The following RAPGEF4 variants were observed in gnomAD, a reference collection of about 807,000 sequenced individuals.
RAPGEF4 encodes the protein Rap guanine nucleotide exchange factor 4.
A neutral mutation model predicts 147.9 loss-of-function variants in RAPGEF4; 66 were observed. The observed-to-expected ratio is 0.45, with a 90% CI of 0.37 to 0.55. The LOEUF (loss-of-function observed/expected upper bound fraction) is 0.55. RAPGEF4 is among the 20% of genes least tolerant of loss of function. RAPGEF4 has a pLI of 0.00. For synonymous variants in RAPGEF4, 419 were observed against 442.7 expected, an observed-to-expected ratio of 0.95 and a Z score of 0.67; for missense variants, 1,071 against 1,257.3, an observed-to-expected ratio of 0.85 and a Z score of 2.24.
At chr2:172,865,885 T>A (rs1158533236) in intron 4 of RAPGEF4, among the ~76,000 whole-genome samples, 2 of 152,188 alleles carry the variant, frequency 1.3e-5, no homozygotes, top group African/African-American at 2.4e-5. Flanking sequence ...CATATACACA[T>A]ACATATATAT....
At chr2:173,012,695 T>C (rs1481722593) in intron 17 of RAPGEF4, among the ~76,000 whole-genome samples, 1 of 152,212 alleles carries the variant, frequency 6.6e-6, no homozygotes, top group Non-Finnish European at 1.5e-5. Flanking sequence ...AAGTCTACAG[T>C]GGCTAAGTGA....
intron 1 of RAPGEF4, among the ~76,000 whole-genome samples, chr2:172,792,528 C>T (rs549474826): frequency 3.3e-5 from 5 of 152,170 alleles, no homozygotes; most frequent in Admixed American, 1.3e-4. Context: ...AATCCAAACC[C>T]TTCTAGTAGG....
intron 1 of RAPGEF4, among the ~76,000 whole-genome samples, chr2:172,769,987 A>T (rs1574773006): frequency 6.6e-6 from 1 of 152,216 alleles, no homozygotes; most frequent in Non-Finnish European, 1.5e-5. Flanking sequence ...AAAGGTGATC[A>T]TGATGAACCA....
chr2:173,029,058 C>G (rs1696932291), intron 25 of RAPGEF4, among the ~76,000 whole-genome samples: 1 of 152,172 alleles, frequency 6.6e-6, no homozygotes, highest in Non-Finnish European at 1.5e-5. Context: ...GTATACCTGC[C>G]TTTAGCCCCA....
chr2:172,965,502 T>A, intron 8 of RAPGEF4, 60 bp from the exon 9 acceptor site: 1 of 1,562,558 alleles, frequency 6.4e-7, no homozygotes, highest in African/African-American at 1.4e-5. Context: ...AAAAGCCATC[T>A]CCCATCCTCT....
At chr2:172,964,981 T>G (rs983233287) in intron 8 of RAPGEF4, among the ~76,000 whole-genome samples, 2 of 152,232 alleles carry the variant, frequency 1.3e-5, no homozygotes, top group African/African-American at 4.8e-5. Flanking sequence ...GAAGTGCTAA[T>G]GCTCATTACA....
chr2:172,998,347 T>C (rs1030163228), intron 16 of RAPGEF4, among the ~76,000 whole-genome samples: 5 of 152,254 alleles, frequency 3.3e-5, no homozygotes, highest in Non-Finnish European at 7.3e-5. Flanking sequence ...GGATTTTTAC[T>C]GGACTATTGT....
chr2:172,763,774 T>A (rs1031824643), intron 1 of RAPGEF4, among the ~76,000 whole-genome samples: 7 of 152,222 alleles, frequency 4.6e-5, no homozygotes, highest in African/African-American at 1.7e-4. Flanking sequence ...ATGTTGACTT[T>A]TCCAGTTTAA....
chr2:172,882,710 G>A (rs1696760288), intron 4 of RAPGEF4, among the ~76,000 whole-genome samples: 1 of 152,146 alleles, frequency 6.6e-6, no homozygotes, highest in African/African-American at 2.4e-5. Flanking sequence ...TGAGGATAGT[G>A]TCTGTTCTAG....
intron 4 of RAPGEF4, among the ~76,000 whole-genome samples, chr2:172,830,811 A>G (rs924408875): frequency 6.6e-6 from 1 of 152,174 alleles, no homozygotes; most frequent in Non-Finnish European, 1.5e-5. Flanking sequence ...AAATTATTTA[A>G]TTTATTGAAA....
rs548058564 is a variant in RAPGEF4 at position 172,846,406 on chromosome 2, A to C, written c.444+31981A>C. Among the ~76,000 whole-genome samples, 7 of 152,318 alleles carry C rather than the reference A, an allele frequency of 4.6e-5. No individual in the cohort carries two copies. In the East Asian group the frequency reaches 1.2e-3, roughly 25 times the overall value. ...TTTGGGGATTCATCCATGATGGAGC[A>C]TGTGTCAGGAGTTCTTTTTAAAAAT... On this transcript the variant is annotated intron_variant, in intron 4 of 30. Transcript: ENST00000397081.
chr2:172,988,174 C>T, intron 12 of RAPGEF4, 22 bp from the exon 13 acceptor site: 1 of 1,587,200 alleles, frequency 6.3e-7, no homozygotes, highest in Non-Finnish European at 8.5e-7. Context: ...TATCATAAGT[C>T]TTTTCATCTT....
chr2:172,895,649 C>T (rs957866850), intron 4 of RAPGEF4, among the ~76,000 whole-genome samples: 14 of 152,094 alleles, frequency 9.2e-5, no homozygotes, highest in Non-Finnish European at 4.4e-5. Flanking sequence ...CTGCCAATCT[C>T]GAATTTTGTG....
At chr2:172,794,120 A>G (rs1313877043) in intron 1 of RAPGEF4, among the ~76,000 whole-genome samples, 1 of 151,482 alleles carries the variant, frequency 6.6e-6, no homozygotes, top group Non-Finnish European at 1.5e-5. Flanking sequence ...AAGTGAGCCT[A>G]TAATCCCAGC....
chr2:172,911,916 G>A (rs143518866), intron 4 of RAPGEF4, among the ~76,000 whole-genome samples: 135 of 151,866 alleles, frequency 8.9e-4, no homozygotes, highest in African/African-American at 3.1e-3. Context: ...ACAGGTACAC[G>A]CCACCAGGCC....
chr2:172,984,954 T>C (rs1692088513), intron 11 of RAPGEF4, among the ~76,000 whole-genome samples: 1 of 152,218 alleles, frequency 6.6e-6, no homozygotes, highest in Non-Finnish European at 1.5e-5. Context: ...AGGAATAATT[T>C]GGAATTTTAA....
intron 4 of RAPGEF4, among the ~76,000 whole-genome samples, chr2:172,893,588 T>C (rs1184374350): frequency 6.6e-6 from 1 of 152,022 alleles, no homozygotes; most frequent in East Asian, 1.9e-4. Context: ...TCATGTTTTA[T>C]GAATTCAATT....
rs73017602 is a variant in RAPGEF4, at chr2:173,033,435, C to G, written c.2650-479C>G. ...CTTTTTTAGGCACTGAGAAAAATAT[C>G]AGTAAACAAAACAAATAAAAATTCT... On this transcript the variant is annotated intron_variant, in intron 26 of 30. Transcript: ENST00000397081. Among the ~76,000 whole-genome samples, 1,222 of 152,230 alleles carry G rather than the reference C, an allele frequency of 8.0e-3. 12 individuals are homozygous for G. The highest frequency in any genetic ancestry group is 0.028 in the African/African-American group (1,154 of 41,518).
chr2:173,034,599 C>G (rs532483569), intron 27 of RAPGEF4, among the ~76,000 whole-genome samples: 12 of 152,186 alleles, frequency 7.9e-5, no homozygotes, highest in African/African-American at 2.9e-4. Flanking sequence ...TCAGGCCAGG[C>G]GCAGTGGTTC....
Sources: allele counts gnomAD v4.1 joint callset (sites outside exome capture counted in the v4.1 genomes callset), GRCh38; gene constraint gnomAD v4.1.1; transcripts MANE v1.5; gene names NCBI Gene and HGNC (gene_info 2026-07-23, HGNC 2026-07-21).